The following WNT8B variants were observed in gnomAD, a reference collection of about 807,000 sequenced individuals.
WNT8B encodes the protein protein Wnt-8b.
Under a neutral mutation model 36.6 loss-of-function variants are expected in WNT8B, and 24 were observed. That is an observed-to-expected ratio of 0.66 (90% CI 0.48 to 0.92). WNT8B has a LOEUF of 0.92. Among genes scored for constraint, WNT8B ranks in the 40% least tolerant of loss-of-function variants. The pLI is 0.00. For missense variants in WNT8B, 402 were observed against 470.8 expected, an observed-to-expected ratio of 0.85 and a Z score of 1.35; for synonymous variants, 199 against 189.8, an observed-to-expected ratio of 1.05 and a Z score of -0.40.
intron 1 of WNT8B, among the ~76,000 whole-genome samples, chr10:100,467,590 G>A (rs1044048044): frequency 1.3e-5 from 2 of 152,042 alleles, no homozygotes; most frequent in African/African-American, 2.4e-5. Context: ...TAGGTTTATC[G>A]TATCACACTT....
chr10:100,472,193 C>T (rs1340898497), intron 1 of WNT8B, among the ~76,000 whole-genome samples: 1 of 151,548 alleles, frequency 6.6e-6, no homozygotes, highest in African/African-American at 2.4e-5. Flanking sequence ...TCACTGCAAG[C>T]TCCGCCTCCT....
rs745973760 is a variant in WNT8B, at chr10:100,482,490, C to T, written c.730C>T (p.Arg244Trp). The T allele has an allele frequency of 1.2e-6, 2 of 1,602,490 alleles. No homozygotes were observed. The highest frequency in any genetic ancestry group is 1.7e-5 in the Admixed American group (1 of 59,984). The change falls in exon 6 of 6, where the codon CGG (arginine) becomes TGG (tryptophan). Residue 244 changes from arginine to tryptophan, a missense_variant. This residue lies in a region of WNT8B where 256 missense variants were observed against 278.6 expected (regional missense o/e 0.92). Transcript: ENST00000343737. The surrounding 1 kb of genome is among the most constrained non-coding windows in gnomAD (Gnocchi z 6.6). The stretch of plus-strand genomic sequence containing the variant: ...CGACACCTTTCGCTCCATCTCTACC[C>T]GGGAGCTGGTGCACCTGGAGGACTC... The part of the protein sequence containing the change: ...IADTFRSIST[R>W]ELVHLEDSPD...
At chr10:100,467,832 C>T (rs1162911807) in intron 1 of WNT8B, among the ~76,000 whole-genome samples, 6 of 152,170 alleles carry the variant, frequency 3.9e-5, no homozygotes, top group Non-Finnish European at 7.4e-5. Flanking sequence ...CAGCTTCAAC[C>T]GTTATCAATC....
chr10:100,480,629 T>C (rs1477847949), intron 3 of WNT8B, among the ~76,000 whole-genome samples: 1 of 152,020 alleles, frequency 6.6e-6, no homozygotes, highest in African/African-American at 2.4e-5. Flanking sequence ...GGTCATAAAA[T>C]GTGTGACCTG....
rs1564645597 is a variant in WNT8B, at chr10:100,482,087, G to A, written c.510+33G>A. The A allele has an allele frequency of 6.2e-7, 1 of 1,613,236 alleles. No individual in the cohort carries two copies. The highest frequency in any genetic ancestry group is 8.5e-7 in the Non-Finnish European group (1 of 1,179,496). ...CCGCAGCCCTTGGAAATAGGCAGCT[G>A]CTGGCTATATCCACTACCAGCTCCA... On this transcript the variant is annotated intron_variant, in intron 5 of 5. Transcript: ENST00000343737. This position sits in a 1 kb window ranked among gnomAD's most constrained non-coding sequence, Gnocchi z 6.6.
chr10:100,469,717 G>A (rs904055398), intron 1 of WNT8B, among the ~76,000 whole-genome samples: 1 of 152,210 alleles, frequency 6.6e-6, no homozygotes, highest in Non-Finnish European at 1.5e-5. Flanking sequence ...GTGGGCACAC[G>A]TGTGAACATA....
At position 100,482,936 on chromosome 10, in the gene WNT8B, G is replaced by C; in HGVS notation, c.*120G>C. On this transcript the variant is annotated 3_prime_UTR_variant, in exon 6 of 6. Coordinates refer to ENST00000343737, the MANE Select transcript of WNT8B (RefSeq NM_003393.4). This position sits in a 1 kb window ranked among gnomAD's most constrained non-coding sequence, Gnocchi z 6.6. ...CCAGACCTAGGGATCCTGAGAGGGA[G>C]AGACTGCAATTTCTCCAAAGCTTGC... The C allele has an allele frequency of 8.6e-7, 1 of 1,165,262 alleles. No individual in the cohort carries two copies. Among genetic ancestry groups the C allele is most frequent in the Non-Finnish European group, 1.2e-6 (1 of 860,148 alleles). The allele number at this position is 1,165,262 out of a possible 1,614,324, so 72.2% of individuals were successfully genotyped here.
chr10:100,467,948 G>T (rs1850924634), intron 1 of WNT8B, among the ~76,000 whole-genome samples: 1 of 152,124 alleles, frequency 6.6e-6, no homozygotes, highest in Non-Finnish European at 1.5e-5. Context: ...GGAAGAAGAG[G>T]GATAGCAAAA....
chr10:100,476,365 A>G (rs1489022826), intron 1 of WNT8B, among the ~76,000 whole-genome samples: 1 of 152,128 alleles, frequency 6.6e-6, no homozygotes, highest in Non-Finnish European at 1.5e-5. Flanking sequence ...CTAAAATTCT[A>G]TTACAACTCG....
chr10:100,482,785 G>C lies in WNT8B; in HGVS notation c.1025G>C (p.Gly342Ala), dbSNP rs766458704. 2 of 1,586,044 alleles carry C rather than the reference G, an allele frequency of 1.3e-6. No individual in the cohort carries two copies. Among genetic ancestry groups the C allele is most frequent in the Non-Finnish European group, 1.7e-6 (2 of 1,164,638 alleles). Residue 342 changes from glycine to alanine, a missense_variant, in exon 6 of 6, where the codon GGC becomes GCC. Physicochemically the swap from Gly to Ala is moderately conservative, Grantham distance 60. Transcript: ENST00000343737. This position sits in a 1 kb window ranked among gnomAD's most constrained non-coding sequence, Gnocchi z 6.6. ...FCSRAERPRGGAAHKPGRKP is the reference protein window; with the variant it reads ...FCSRAERPRGAAAHKPGRKP The stretch of plus-strand genomic sequence containing the variant: ...AGCCGCGCAGAGCGGCCGCGGGGGG[G>C]CGCTGCGCACAAACCCGGGAGAAAA...
chr10:100,470,225 A>G (rs187096543), intron 1 of WNT8B, among the ~76,000 whole-genome samples: 76 of 152,232 alleles, frequency 5.0e-4, no homozygotes, highest in Non-Finnish European at 9.3e-4. Flanking sequence ...TCCCTAGCTC[A>G]AATGATCTTC....
chr10:100,476,314 T>A (rs1383101800), intron 1 of WNT8B, among the ~76,000 whole-genome samples: 1 of 151,434 alleles, frequency 6.6e-6, no homozygotes, highest in Admixed American at 6.6e-5. Context: ...AAAAAAAAAA[T>A]AGGCCTTAGT....
At chr10:100,480,057 G>C in intron 3 of WNT8B, 45 bp downstream of exon 3, 1 of 1,602,786 alleles carries the variant, frequency 6.2e-7, no homozygotes, top group Non-Finnish European at 8.5e-7. Context: ...TCTGGTCACA[G>C]GTTAGAGCCC....
rs1295684275 is a variant in WNT8B, at chr10:100,481,986, G to C, written c.442G>C (p.Asp148His). The change falls in exon 5 of 6, where the codon GAT becomes CAT. Residue 148 changes from aspartate (D) to histidine (H), a missense_variant. By Grantham distance (81) the Asp-to-His change is moderately conservative. Coordinates refer to ENST00000343737, the MANE Select transcript of WNT8B (RefSeq NM_003393.4). ...FGEAISKQFV[D>H]ALETGQDARA... ...AGAGGCGATTTCCAAGCAGTTTGTC[G>C]ATGCCCTGGAAACAGGACAGGATGC... 1 of 1,614,110 alleles carries C rather than the reference G, an allele frequency of 6.2e-7. No individual in the cohort carries two copies. The highest frequency in any genetic ancestry group is 2.2e-5 in the East Asian group (1 of 44,872).
intron 1 of WNT8B, among the ~76,000 whole-genome samples, chr10:100,477,171 A>G (rs981037786): frequency 2.0e-5 from 3 of 152,152 alleles, no homozygotes; most frequent in African/African-American, 7.2e-5. Context: ...ACTGACTTTA[A>G]TCACTCCGTA....
At chr10:100,477,106 T>C (rs1194128246) in intron 1 of WNT8B, among the ~76,000 whole-genome samples, 1 of 152,190 alleles carries the variant, frequency 6.6e-6, no homozygotes, top group Non-Finnish European at 1.5e-5. Flanking sequence ...TATATAATTT[T>C]TATTATTTCA....
intron 1 of WNT8B, among the ~76,000 whole-genome samples, chr10:100,466,174 G>T (rs1482081646): frequency 6.6e-6 from 1 of 151,412 alleles, no homozygotes; most frequent in African/African-American, 2.4e-5. Context: ...TGAAGTTAAA[G>T]AAATAAAAAG....
At chr10:100,468,584 T>C (rs920328206) in intron 1 of WNT8B, among the ~76,000 whole-genome samples, 1 of 152,252 alleles carries the variant, frequency 6.6e-6, no homozygotes, top group East Asian at 1.9e-4. Flanking sequence ...CTCATTTAGA[T>C]GCTAAGTGCT....
rs1040393936 is a variant in WNT8B, at chr10:100,482,865, G to A, written c.*49G>A. ...TCCCACTGGTTCTTGGCTTCCTTTA[G>A]AGACCCCGGTAATTGTGGAACCTAG... is the stretch of plus-strand genomic sequence containing the variant. On this transcript the variant is annotated 3_prime_UTR_variant, in exon 6 of 6. Transcript: ENST00000343737. This position sits in a 1 kb window ranked among gnomAD's most constrained non-coding sequence, Gnocchi z 6.6. 6.9e-7 allele frequency: 1 copy of A among 1,442,900 alleles called. No individual in the cohort carries two copies. The highest frequency in any genetic ancestry group is 9.1e-7 in the Non-Finnish European group (1 of 1,095,114). The allele number at this position is 1,442,900 out of a possible 1,614,324, so 89.4% of individuals were successfully genotyped here. A position where few individuals can be genotyped will look rare whatever the true frequency, so the allele number is the denominator to read the frequency against.
Sources: allele counts gnomAD v4.1 joint callset (sites outside exome capture counted in the v4.1 genomes callset), GRCh38; gene constraint gnomAD v4.1.1; regional missense constraint gnomAD v4.1.1; non-coding constraint Gnocchi (gnomAD v3.1); transcripts MANE v1.5; gene names NCBI Gene and HGNC (gene_info 2026-07-23, HGNC 2026-07-21).